Variants in UNC13C observed in about 807,000 individuals in gnomAD.
UNC13C encodes unc-13 homolog C.
UNC13C carries 174 observed loss-of-function variants against 245.4 expected under a neutral mutation model. That is an observed-to-expected ratio of 0.71 (90% CI 0.63 to 0.80). The LOEUF (loss-of-function observed/expected upper bound fraction) is 0.80. Among genes scored for constraint, UNC13C ranks in the 30% least tolerant of loss-of-function variants. The probability of loss-of-function intolerance (pLI) is 0.00; values close to 1 mark genes in which losing one functional copy is unlikely to be tolerated. For synonymous variants in UNC13C, 992 were observed against 895.1 expected (o/e 1.11, Z -1.93); for missense variants, 2,829 against 2,602.9 (o/e 1.09, Z -1.89).
chr15:54,291,282 C>G (rs1449771665), intron 10 of UNC13C, among the ~76,000 whole-genome samples: 1 of 151,900 alleles, frequency 6.6e-6, no homozygotes, highest in African/African-American at 2.4e-5. Flanking sequence ...TGATAGTGAG[C>G]TTTGTTAGCT....
At chr15:54,143,157 C>A in intron 3 of UNC13C, 117 bp downstream of exon 3, 1 of 971,046 alleles carries the variant, frequency 1.0e-6, no homozygotes, top group Non-Finnish European at 1.6e-6. Context: ...TGCATGTTAT[C>A]CCAGCTTTCC....
chr15:54,127,249 T>G (rs1438878292), intron 2 of UNC13C, among the ~76,000 whole-genome samples: 3 of 152,134 alleles, frequency 2.0e-5, no homozygotes, highest in African/African-American at 7.2e-5. Flanking sequence ...TAAAGACACA[T>G]GCACACATAT....
At chr15:53,998,371 A>T (rs189162897) in intron 1 of UNC13C, among the ~76,000 whole-genome samples, 1 of 152,186 alleles carries the variant, frequency 6.6e-6, no homozygotes. Context: ...ATTTTTTCTA[A>T]AAATTTTATG....
intron 2 of UNC13C, among the ~76,000 whole-genome samples, chr15:54,115,228 T>C (rs1253860622): frequency 6.6e-6 from 1 of 152,164 alleles, no homozygotes; most frequent in Non-Finnish European, 1.5e-5. Context: ...TCCTACATTT[T>C]CAAATGAATT....
At chr15:54,226,810 C>G (rs1013111508) in intron 4 of UNC13C, among the ~76,000 whole-genome samples, 4 of 152,162 alleles carry the variant, frequency 2.6e-5, no homozygotes, top group African/African-American at 9.7e-5. Flanking sequence ...GCACCTGTGT[C>G]TGGACAGAGG....
chr15:54,408,479 G>A (rs1470236256), intron 18 of UNC13C, among the ~76,000 whole-genome samples: 1 of 151,932 alleles, frequency 6.6e-6, no homozygotes, highest in Admixed American at 6.6e-5. Context: ...GGTTTTGTGA[G>A]AAACAAATTA....
chr15:54,051,596 T>C (rs1897267787), intron 2 of UNC13C, among the ~76,000 whole-genome samples: 1 of 152,156 alleles, frequency 6.6e-6, no homozygotes, highest in Non-Finnish European at 1.5e-5. Context: ...ATATGATTTT[T>C]CATTTTCTAA....
Position 54,500,178 on chromosome 15 carries a change from G to C in UNC13C, c.5157+3G>C. The stretch of plus-strand genomic sequence containing the variant: ...TGGGAAGAGACAAAAAAGATGGAGT[G>C]AGTTTAAATTACCTTAAGAAAGTTC... On this transcript the variant is annotated splice_donor_region_variant and intron_variant, in intron 21 of 32. Coordinates refer to ENST00000260323, the MANE Select transcript of UNC13C (RefSeq NM_001080534.3). The C allele has an allele frequency of 6.2e-7, 1 of 1,601,442 alleles. No individual in the cohort carries two copies. Among genetic ancestry groups the C allele is most frequent in the Non-Finnish European group, 8.5e-7 (1 of 1,172,204 alleles).
intron 4 of UNC13C, among the ~76,000 whole-genome samples, chr15:54,226,401 G>A (rs574651277): frequency 2.6e-5 from 4 of 152,254 alleles, no homozygotes; most frequent in African/African-American, 4.8e-5. Context: ...CTGTACCTCT[G>A]GTAGAATTCA....
intron 19 of UNC13C, among the ~76,000 whole-genome samples, chr15:54,473,799 T>C (rs1175803688): frequency 6.6e-6 from 1 of 151,916 alleles, no homozygotes; most frequent in Non-Finnish European, 1.5e-5. Context: ...CATGTAGTGG[T>C]GAAGTCAGTG....
chr15:54,285,517 C>G (rs2140923656), intron 10 of UNC13C, among the ~76,000 whole-genome samples: 1 of 152,232 alleles, frequency 6.6e-6, no homozygotes, highest in Non-Finnish European at 1.5e-5. Context: ...TTTCCATTTG[C>G]TGGGTCAGAG....
intron 18 of UNC13C, among the ~76,000 whole-genome samples, chr15:54,396,371 G>A (rs1054928170): frequency 6.6e-6 from 1 of 151,304 alleles, no homozygotes; most frequent in Non-Finnish European, 1.5e-5. Flanking sequence ...TCTTTTGTCT[G>A]GCTGCTTTTA....
At chr15:54,603,513 G>T (rs763874010) in intron 30 of UNC13C, among the ~76,000 whole-genome samples, 3 of 152,124 alleles carry the variant, frequency 2.0e-5, no homozygotes, top group Admixed American at 6.5e-5. Flanking sequence ...TAATACTCCA[G>T]TGTGGATCTA....
chr15:54,184,900 C>T (rs2033923624), intron 4 of UNC13C, among the ~76,000 whole-genome samples: 1 of 152,092 alleles, frequency 6.6e-6, no homozygotes, highest in Admixed American at 6.5e-5. Flanking sequence ...TAAAAGTGTT[C>T]CTATTTCTCC....
chr15:53,928,134 A>G, the UNC13C span, among the ~76,000 whole-genome samples: 1 of 152,170 alleles, frequency 6.6e-6, no homozygotes, highest in Non-Finnish European at 1.5e-5. Context: ...ACAGAAATAT[A>G]GAGGTGTGAA....
chr15:53,899,367 C>T, the UNC13C span, among the ~76,000 whole-genome samples: 1 of 152,228 alleles, frequency 6.6e-6, no homozygotes, highest in Non-Finnish European at 1.5e-5. Context: ...TCCTCTTTGT[C>T]TCAAATCGCT....
At chr15:54,275,323 A>C (rs774664203) in intron 10 of UNC13C, among the ~76,000 whole-genome samples, 1 of 152,234 alleles carries the variant, frequency 6.6e-6, no homozygotes, top group Non-Finnish European at 1.5e-5. Context: ...AAATAAACAC[A>C]TGAAAATATG....
chr15:53,871,109 T>C, the UNC13C span, among the ~76,000 whole-genome samples: 1 of 152,212 alleles, frequency 6.6e-6, no homozygotes, highest in African/African-American at 2.4e-5. Flanking sequence ...TTGCTGTGTG[T>C]GGCCCTTGAT....
At chr15:54,230,677 A>G (rs1423737063) in intron 4 of UNC13C, among the ~76,000 whole-genome samples, 1 of 152,160 alleles carries the variant, frequency 6.6e-6, no homozygotes, top group East Asian at 1.9e-4. Flanking sequence ...TTTTAATATC[A>G]TTATGGAAAG....
Sources: gnomAD v4.1 joint callset for allele counts (sites outside exome capture counted in the v4.1 genomes callset) on GRCh38, gnomAD v4.1.1 for gene constraint, MANE v1.5 for transcripts, NCBI Gene and HGNC (gene_info 2026-07-23, HGNC 2026-07-21) for gene names.